The following CSPP1 variants were observed in gnomAD, a reference collection of about 807,000 sequenced individuals.
CSPP1 encodes the protein centrosome and spindle pole-associated protein 1.
Under a neutral mutation model 164.4 loss-of-function variants are expected in CSPP1, and 126 were observed. The ratio of observed to expected loss-of-function variants is 0.77; its 90% CI spans 0.66 to 0.89. The LOEUF (loss-of-function observed/expected upper bound fraction) is 0.89, where lower values mean the gene tolerates loss of function less well. Ranked by LOEUF, CSPP1 falls within the 40% of genes least tolerant of loss-of-function variation. The pLI is 0.00. For missense variants in CSPP1, 1,395 were observed against 1,449.8 expected (o/e 0.96, Z 0.61); for synonymous variants, 472 against 476.7 (o/e 0.99, Z 0.13).
intron 17 of CSPP1, among the ~76,000 whole-genome samples, chr8:67,143,376 T>G (rs1310649333): frequency 2.0e-5 from 3 of 152,036 alleles, no homozygotes; most frequent in Non-Finnish European, 2.9e-5. Context: ...ACTATAGTAA[T>G]GTAGTAATAT....
At chr8:67,145,972 G>A (rs1824462383) in intron 17 of CSPP1, among the ~76,000 whole-genome samples, 1 of 151,910 alleles carries the variant, frequency 6.6e-6, no homozygotes. Flanking sequence ...TTTTCATTCA[G>A]TTTTCTGATT....
chr8:67,123,968 C>T (rs966891511), intron 15 of CSPP1, among the ~76,000 whole-genome samples: 3 of 148,302 alleles, frequency 2.0e-5, no homozygotes, highest in Non-Finnish European at 3.0e-5. Context: ...GGTGCGATCT[C>T]GGCTCATTGC....
rs969965795 is a variant in CSPP1 at position 67,195,613 on chromosome 8, C to T, written c.*20C>T. 6.2e-7 allele frequency: 1 copy of T among 1,602,348 alleles called. No individual in the cohort carries two copies. Among genetic ancestry groups the T allele is most frequent in the Non-Finnish European group, 8.5e-7 (1 of 1,169,936 alleles). On this transcript the variant is annotated 3_prime_UTR_variant, in exon 31 of 31. Transcript: ENST00000678616. ...GGTTAAAATAAACCTGTACTGGACC[C>T]AGTAGTGCCTTTTAAGGTGAAAGGA...
intron 16 of CSPP1, among the ~76,000 whole-genome samples, chr8:67,136,329 T>C (rs1822257182): frequency 6.6e-6 from 1 of 151,968 alleles, no homozygotes; most frequent in African/African-American, 2.4e-5. Context: ...CCCAGCACTT[T>C]GGGAGGCCAA....
intron 21 of CSPP1, among the ~76,000 whole-genome samples, chr8:67,159,521 T>C (rs1485243931): frequency 1.6e-5 from 2 of 128,524 alleles, no homozygotes; most frequent in African/African-American, 6.1e-5. Context: ...TTTTTTTTTT[T>C]TTTTTTTTTT....
At chr8:67,086,173 C>T (rs748005299) in intron 4 of CSPP1, 63 bp downstream of exon 4, 3 of 834,184 alleles carry the variant, frequency 3.6e-6, no homozygotes, top group South Asian at 2.6e-5. Flanking sequence ...AATTTGTTTT[C>T]ATAAGGTATT....
At position 67,111,423 on chromosome 8, in the gene CSPP1, G is replaced by A. The variant is rs547470769; in HGVS notation, c.1094-549G>A. 1.3e-4 allele frequency among the ~76,000 whole-genome samples: 20 copies of A among 152,156 alleles called. No homozygotes were observed. In the South Asian group the frequency reaches 4.2e-3, roughly 32 times the overall value. Reference sequence around the variant, plus strand: ...GTTGGGAAGACTGGTAATTAGTTAGGAAGTTATTGCTGCAATCCAGGTTAG... The same window carrying A: ...GTTGGGAAGACTGGTAATTAGTTAGAAAGTTATTGCTGCAATCCAGGTTAG... On this transcript the variant is annotated intron_variant, in intron 9 of 30. Coordinates refer to ENST00000678616, the MANE Select transcript of CSPP1 (RefSeq NM_001382391.1).
chr8:67,172,693 T>C, intron 25 of CSPP1, 138 bp downstream of exon 25: 1 of 740,276 alleles, frequency 1.4e-6, no homozygotes. Flanking sequence ...GAAATGAAAC[T>C]TATGTATTCT....
intron 7 of CSPP1, among the ~76,000 whole-genome samples, chr8:67,096,186 C>T (rs1399922962): frequency 2.0e-5 from 3 of 152,168 alleles, no homozygotes; most frequent in African/African-American, 2.4e-5. Flanking sequence ...TCAGAGTTTT[C>T]TCAATTCATA....
At chr8:67,178,631 G>T (rs1586775580) in intron 27 of CSPP1, among the ~76,000 whole-genome samples, 1 of 152,192 alleles carries the variant, frequency 6.6e-6, no homozygotes, top group African/African-American at 2.4e-5. Context: ...GGCTCACTGG[G>T]TAGGCAACAT....
intron 5 of CSPP1, among the ~76,000 whole-genome samples, chr8:67,092,102 A>G (rs1811736688): frequency 1.3e-5 from 2 of 152,198 alleles, no homozygotes; most frequent in Non-Finnish European, 2.9e-5. Flanking sequence ...TTTCTTTAAT[A>G]TGTTGATTCT....
intron 18 of CSPP1, among the ~76,000 whole-genome samples, chr8:67,152,408 T>C (rs34565831): frequency 1.3e-5 from 2 of 152,190 alleles, no homozygotes; most frequent in Non-Finnish European, 2.9e-5. Context: ...TATTTTATGG[T>C]TTTTAGATGA....
At chr8:67,132,167 G>GA (rs1211731809) in intron 16 of CSPP1, 87 bp downstream of exon 16, 131 of 1,268,180 alleles carry the variant, frequency 1.0e-4, no homozygotes, top group Admixed American at 2.0e-4. Flanking sequence ...CCGGGGAGGG[G>GA]AAAAAAAACA....
At chr8:67,065,314 T>C (rs1162668212) in intron 1 of CSPP1, among the ~76,000 whole-genome samples, 1 of 152,122 alleles carries the variant, frequency 6.6e-6, no homozygotes, top group Admixed American at 6.5e-5. Flanking sequence ...ATGGGACTCA[T>C]CTTTTGAGAG....
At chr8:67,067,714 C>T (rs937460547) in intron 1 of CSPP1, among the ~76,000 whole-genome samples, 1 of 151,686 alleles carries the variant, frequency 6.6e-6, no homozygotes, top group Non-Finnish European at 1.5e-5. Flanking sequence ...CCGCCCGCCT[C>T]GGCCTCCCAA....
intron 16 of CSPP1, 50 bp from the exon 17 acceptor site, chr8:67,137,406 T>C: frequency 7.8e-7 from 1 of 1,278,164 alleles, no homozygotes; most frequent in Non-Finnish European, 1.0e-6. Flanking sequence ...TAACTTCTTG[T>C]ATCAGAATAC....
At chr8:67,124,873 GTC>G (rs941875516) in intron 15 of CSPP1, among the ~76,000 whole-genome samples, 6 of 151,924 alleles carry the variant, frequency 3.9e-5, no homozygotes, top group Non-Finnish European at 7.4e-5. Flanking sequence ...AGAGACAGGC[GTC>G]TCTCTGTGTA....
intron 18 of CSPP1, among the ~76,000 whole-genome samples, chr8:67,150,622 C>G (rs763799457): frequency 6.6e-6 from 1 of 152,136 alleles, no homozygotes; most frequent in Non-Finnish European, 1.5e-5. Flanking sequence ...AGGCTGGTCT[C>G]GAACTTCTGA....
At chr8:67,067,430 C>T (rs1226910550) in intron 1 of CSPP1, among the ~76,000 whole-genome samples, 7 of 152,142 alleles carry the variant, frequency 4.6e-5, no homozygotes, top group South Asian at 4.1e-4. Flanking sequence ...GCATACTTTA[C>T]GTTTGCAGGC....
Sources: allele counts gnomAD v4.1 joint callset (sites outside exome capture counted in the v4.1 genomes callset), GRCh38; gene constraint gnomAD v4.1.1; transcripts MANE v1.5; gene names NCBI Gene and HGNC (gene_info 2026-07-23, HGNC 2026-07-21).